MACC1: variants seen among roughly 807,000 people sequenced by gnomAD.
The protein encoded by MACC1 is metastasis-associated in colon cancer protein 1.
A neutral mutation model predicts 70.7 loss-of-function variants in MACC1; 79 were observed. The ratio of observed to expected loss-of-function variants is 1.12; its 90% CI spans 0.93 to 1.35. The LOEUF is 1.35. Among genes scored for constraint, MACC1 ranks in the 40% most tolerant of loss-of-function variants. The pLI is 0.00. For synonymous variants in MACC1, 361 were observed against 347.2 expected (o/e 1.04, Z -0.44); for missense variants, 1,106 against 978.1 (o/e 1.13, Z -1.74).
In MACC1 at chr7:20,141,561, A is replaced by G. The variant is rs546694625; in HGVS notation, c.2347-403T>C. On this transcript the variant is annotated intron_variant, in intron 6 of 6. Transcript: ENST00000400331. ...ACCTATCTGTGGTGAGTTTTATGAC[A>G]CCAAATAATGTATCAGGAGAGAAAT... Among the ~76,000 whole-genome samples the G allele has an allele frequency of 3.3e-5, 5 of 151,916 alleles. No homozygotes were observed. In the South Asian group the frequency reaches 1.0e-3, roughly 32 times the overall value.
chr7:20,176,295 G>A (rs144399064), intron 1 of MACC1, among the ~76,000 whole-genome samples: 100 of 151,966 alleles, frequency 6.6e-4, no homozygotes, highest in Middle Eastern at 3.4e-3. Context: ...AATAAAACTC[G>A]TAAAAATAAA....
intron 1 of MACC1, among the ~76,000 whole-genome samples, chr7:20,171,506 G>A (rs1172501375): frequency 6.6e-6 from 1 of 151,354 alleles, no homozygotes; most frequent in Non-Finnish European, 1.5e-5. Context: ...CGCCTGCCTC[G>A]GCCTCCCAAA....
At chr7:20,156,275 C>A (rs1295096470) in intron 5 of MACC1, among the ~76,000 whole-genome samples, 1 of 152,182 alleles carries the variant, frequency 6.6e-6, no homozygotes, top group Non-Finnish European at 1.5e-5. Flanking sequence ...GAGAACCAGG[C>A]CTGAGCCTCT....
intron 1 of MACC1, among the ~76,000 whole-genome samples, chr7:20,214,310 C>T (rs1374531782): frequency 6.6e-6 from 1 of 152,126 alleles, no homozygotes; most frequent in East Asian, 1.9e-4. Context: ...ACCCAGTATC[C>T]CTCCTTTCTT....
At position 20,159,861 on chromosome 7, in the gene MACC1, T is replaced by A; in HGVS notation, c.500A>T (p.Asp167Val). 1.9e-6 allele frequency: 3 copies of A among 1,614,098 alleles called. No individual in the cohort carries two copies. Among genetic ancestry groups the A allele is most frequent in the Non-Finnish European group, 2.5e-6 (3 of 1,180,010 alleles). ...CCGATCATTTTTAAGCCACTCTAAG[T>A]CGTGTAGTAGGATCTGGTCAGAGTT... ...IHNSDQILLH[D>V]LEWLKNDREA... Residue 167 changes from aspartate (D) to valine (V), a missense_variant, in exon 5 of 7, where the codon GAC (aspartate) becomes GTC (valine). Coordinates refer to ENST00000400331, the MANE Select transcript of MACC1 (RefSeq NM_182762.4).
At chr7:20,163,381 C>CT (rs1421885727) in intron 3 of MACC1, among the ~76,000 whole-genome samples, 1 of 152,216 alleles carries the variant, frequency 6.6e-6, no homozygotes, top group Non-Finnish European at 1.5e-5. Flanking sequence ...AGGAAATAGG[C>CT]TTACAGCCTA....
At chr7:20,196,587 T>TA (rs1232331964) in intron 1 of MACC1, among the ~76,000 whole-genome samples, 5 of 151,950 alleles carry the variant, frequency 3.3e-5, no homozygotes, top group Non-Finnish European at 5.9e-5. Context: ...GGCCGGCCCA[T>TA]TTTATATATA....
At chr7:20,208,756 G>A (rs1782951544) in intron 1 of MACC1, among the ~76,000 whole-genome samples, 1 of 152,198 alleles carries the variant, frequency 6.6e-6, no homozygotes, top group African/African-American at 2.4e-5. Flanking sequence ...TGGGGAAAAT[G>A]TCTCCGGGGC....
In MACC1 at chr7:20,159,233, T is replaced by C. The variant is rs1423957383; in HGVS notation, c.1128A>G (p.Gly376=). 1 of 1,613,856 alleles carries C rather than the reference T, an allele frequency of 6.2e-7. No homozygotes were observed. Residue 376 remains glycine, a synonymous_variant, in exon 5 of 7, where the codon GGA becomes GGG. Transcript: ENST00000400331. ...TAAAACTGGGATGGATATATTTGGG[T>C]CCATAAATTCCAATTGAGGTGGTTT... ...IHKTTSIGIY[G]PKYIHPSFTV...
At chr7:20,216,176 T>C (rs1245497563) in intron 1 of MACC1, among the ~76,000 whole-genome samples, 1 of 152,074 alleles carries the variant, frequency 6.6e-6, no homozygotes, top group African/African-American at 2.4e-5. Flanking sequence ...AAACCAGACA[T>C]TAACATAGAT....
At chr7:20,194,941 G>C (rs189320748) in intron 1 of MACC1, among the ~76,000 whole-genome samples, 5 of 152,308 alleles carry the variant, frequency 3.3e-5, no homozygotes, top group African/African-American at 9.6e-5. Flanking sequence ...ATAAAGATGA[G>C]ATGTGGAATT....
At chr7:20,192,136 A>G (rs10263506) in intron 1 of MACC1, among the ~76,000 whole-genome samples, 1 of 152,166 alleles carries the variant, frequency 6.6e-6, no homozygotes, top group Non-Finnish European at 1.5e-5. Context: ...TATGCAAGTT[A>G]TAAATTAATA....
At chr7:20,212,128 AAG>A (rs776107611) in intron 1 of MACC1, among the ~76,000 whole-genome samples, 1 of 152,214 alleles carries the variant, frequency 6.6e-6, no homozygotes, top group East Asian at 1.9e-4. Flanking sequence ...TGAGGGTGAA[AAG>A]AGAATAGGAT....
intron 6 of MACC1, among the ~76,000 whole-genome samples, chr7:20,148,402 C>T (rs536074502): frequency 2.6e-5 from 4 of 152,220 alleles, no homozygotes; most frequent in South Asian, 4.1e-4. Context: ...TTAAGCAGTT[C>T]TAACAAATGC....
chr7:20,195,220 A>G (rs1325200648), intron 1 of MACC1, among the ~76,000 whole-genome samples: 4 of 152,168 alleles, frequency 2.6e-5, no homozygotes, highest in Non-Finnish European at 4.4e-5. Context: ...TGTTTAATAT[A>G]ATTATGCTCC....
chr7:20,215,043 C>T (rs922879420), intron 1 of MACC1, among the ~76,000 whole-genome samples: 4 of 151,952 alleles, frequency 2.6e-5, no homozygotes, highest in African/African-American at 9.7e-5. Flanking sequence ...GGAAGTCACT[C>T]CACTCTGCTT....
Position 20,198,585 on chromosome 7 carries a change from G to T in MACC1, c.-218+18714C>A, listed in dbSNP as rs180673652. On this transcript the variant is annotated intron_variant, in intron 1 of 6. Coordinates refer to ENST00000400331, the MANE Select transcript of MACC1 (RefSeq NM_182762.4). ...TGATTATTCAATTGTATCTTGATAA[G>T]CTCCTGGTCTGCCCCTGGTCCAAGC... is the stretch of plus-strand genomic sequence containing the variant. 1.1e-4 allele frequency: 17 copies of T among 152,314 alleles called. No homozygotes were observed. The East Asian group carries it at 3.1e-3, about 28-fold the overall frequency. The allele number at this position is 152,314 out of a possible 1,614,324, so 9.4% of individuals were successfully genotyped here. A position where few individuals can be genotyped will look rare whatever the true frequency, so the allele number is the denominator to read the frequency against.
rs140410096 is a variant in MACC1, at chr7:20,141,157, A to C, written c.2348T>G (p.Met783Arg). Residue 783 changes from methionine to arginine, a missense_variant and splice_region_variant, in exon 7 of 7, where the codon ATG becomes AGG. Transcript: ENST00000400331. ...AAAATCATAGGCAGGTTTCCACATCATCTATAAAGAAAAAAAATAGATTGG... is the reference window on the plus strand; with the variant it reads ...AAAATCATAGGCAGGTTTCCACATCCTCTATAAAGAAAAAAAATAGATTGG... ...RGNTGDVAVE[M>R]MWKPAYDFLY... The C allele has an allele frequency of 1.0e-4, 158 of 1,576,774 alleles. No individual in the cohort carries two copies. The African/African-American group carries it at 2.1e-3, about 21-fold the overall frequency.
At chr7:20,180,773 G>T (rs749252691) in intron 1 of MACC1, among the ~76,000 whole-genome samples, 26 of 152,050 alleles carry the variant, frequency 1.7e-4, no homozygotes, top group Non-Finnish European at 3.2e-4. Flanking sequence ...CTTGAATCCG[G>T]GAAGCAGAGG....
Sources: gnomAD v4.1 joint callset for allele counts (sites outside exome capture counted in the v4.1 genomes callset) on GRCh38, gnomAD v4.1.1 for gene constraint, MANE v1.5 for transcripts, NCBI Gene and HGNC (gene_info 2026-07-23, HGNC 2026-07-21) for gene names.